Variants in PCDHGA4 observed in about 807,000 individuals in gnomAD.
PCDHGA4 encodes protocadherin gamma-A4.
In PCDHGA4, 38 loss-of-function variants were observed where a neutral mutation model predicts 54.6. That is an observed-to-expected ratio of 0.70 (90% confidence interval 0.54 to 0.91). PCDHGA4 has a LOEUF of 0.91. PCDHGA4 is among the 40% of genes least tolerant of loss of function. The pLI is 0.00. For synonymous variants in PCDHGA4, 511 were observed against 512.9 expected (o/e 1.00, Z 0.05); for missense variants, 1,298 against 1,220.9 (o/e 1.06, Z -0.94).
intron 1 of PCDHGA4, among the ~76,000 whole-genome samples, chr5:141,456,902 G>A (rs886945444): frequency 6.6e-6 from 1 of 152,294 alleles, no homozygotes; most frequent in South Asian, 2.1e-4. Flanking sequence ...GGCAGAGGTT[G>A]CAGTGAGCCG....
rs2099391466 is a variant in PCDHGA4, at chr5:141,476,424, C to T, written c.2515-18383C>T. ...GAGGAGCTGTGTGGGACACTGCCCT[C>T]TTGCACTGTAACTCTGGAGTTGGTA... is the stretch of plus-strand genomic sequence containing the variant. On this transcript the variant is annotated intron_variant, in intron 1 of 3. Coordinates refer to ENST00000571252, the MANE Select transcript of PCDHGA4 (RefSeq NM_018917.4). This position sits in a 1 kb window ranked among gnomAD's most constrained non-coding sequence, Gnocchi z 7.6. 1 of 1,613,978 alleles carries T rather than the reference C, an allele frequency of 6.2e-7. No individual in the cohort carries two copies. The highest frequency in any genetic ancestry group is 1.1e-5 in the South Asian group (1 of 91,076).
rs770623588 is a variant in PCDHGA4, at chr5:141,410,424, C to A, written c.2514+52803C>A. ...GTCAAGTCTGGACCTGTAGTTCCCC[C>A]CAACTACAGTGAGGGGACTTTGCCT... is the stretch of plus-strand genomic sequence containing the variant. On this transcript the variant is annotated intron_variant, in intron 1 of 3. Transcript: ENST00000571252. The A allele has an allele frequency of 1.1e-5, 17 of 1,613,852 alleles. No homozygotes were observed. In the East Asian group the frequency reaches 3.6e-4, roughly 34 times the overall value.
In PCDHGA4 at chr5:141,481,399, T is replaced by G. The variant is rs35677249; in HGVS notation, c.2515-13408T>G. 1.9e-3 allele frequency among the ~76,000 whole-genome samples: 284 copies of G among 152,356 alleles called. 1 individual carries two copies. Among genetic ancestry groups the G allele is most frequent in the Middle Eastern group, 0.01 (3 of 294 alleles). ...TTCTTTTTGGAGGGATGTGACAAAA[T>G]TCTTGTATAATTAGATTGTGATGAT... is the stretch of plus-strand genomic sequence containing the variant. On this transcript the variant is annotated intron_variant, in intron 1 of 3. Transcript: ENST00000571252.
intron 1 of PCDHGA4, among the ~76,000 whole-genome samples, chr5:141,474,586 A>G (rs149003643): frequency 6.6e-6 from 1 of 152,222 alleles, no homozygotes; most frequent in Non-Finnish European, 1.5e-5. Flanking sequence ...AGTGTTAAAG[A>G]CATGGAAATA....
At chr5:141,445,312 T>C (rs1419229431) in intron 1 of PCDHGA4, among the ~76,000 whole-genome samples, 2 of 152,194 alleles carry the variant, frequency 1.3e-5, no homozygotes, top group African/African-American at 4.8e-5. Context: ...AGTTTGTAGG[T>C]TGAGAGAACC....
At chr5:141,461,663 G>C (rs1230719552) in intron 1 of PCDHGA4, among the ~76,000 whole-genome samples, 1 of 151,984 alleles carries the variant, frequency 6.6e-6, no homozygotes, top group Admixed American at 6.6e-5. Flanking sequence ...TTATTTTAAA[G>C]TTTGTTATTT....
intron 1 of PCDHGA4, chr5:141,375,926 G>A: frequency 3.1e-6 from 5 of 1,613,758 alleles, no homozygotes; most frequent in African/African-American, 1.3e-5. Context: ...CAGCGAGCCA[G>A]GACTTTTCTC....
chr5:141,374,884 C>T (rs1770914347), intron 1 of PCDHGA4: 1 of 1,613,714 alleles, frequency 6.2e-7, no homozygotes, highest in African/African-American at 1.3e-5. Context: ...TGACTGCCAC[C>T]GACCAGGATG....
At chr5:141,478,862 C>T (rs1057119202) in intron 1 of PCDHGA4, 23 of 1,325,916 alleles carry the variant, frequency 1.7e-5, no homozygotes, top group Non-Finnish European at 2.2e-5. Flanking sequence ...AAGATCTCAG[C>T]GATCAGAGTT....
In PCDHGA4 at chr5:141,512,903, C is replaced by G. The variant is rs2099884492; in HGVS notation, c.*1730C>G. On this transcript the variant is annotated 3_prime_UTR_variant, in exon 4 of 4. Coordinates refer to ENST00000571252, the MANE Select transcript of PCDHGA4 (RefSeq NM_018917.4). ...CCCCACCCTCTTCCTGTGTCTCACG[C>G]AAGTTTTATACTCTAATATTTATAT... 6.6e-6 allele frequency: 1 copy of G among 152,224 alleles called. No homozygotes were observed. Among genetic ancestry groups the G allele is most frequent in the African/African-American group, 2.4e-5 (1 of 41,452 alleles). 9.4% of individuals were successfully genotyped at this position (152,224 alleles called of 1,614,324 possible).
At chr5:141,465,880 TG>T (rs2154569018) in intron 1 of PCDHGA4, among the ~76,000 whole-genome samples, 1 of 152,096 alleles carries the variant, frequency 6.6e-6, no homozygotes, top group East Asian at 1.9e-4. Context: ...CCCAGCACTT[TG>T]GGAGGCCGAG....
chr5:141,410,437 G>C, intron 1 of PCDHGA4: 1 of 1,614,040 alleles, frequency 6.2e-7, no homozygotes, highest in Non-Finnish European at 8.5e-7. Context: ...ACTACAGTGA[G>C]GGGACTTTGC....
intron 1 of PCDHGA4, chr5:141,365,650 G>A (rs1764040779): frequency 6.2e-7 from 1 of 1,613,296 alleles, no homozygotes; most frequent in South Asian, 1.1e-5. Flanking sequence ...ACATCCCCTT[G>A]AAAGTAGCAG....
At chr5:141,419,464 C>T (rs199965876) in intron 1 of PCDHGA4, 35 of 1,612,542 alleles carry the variant, frequency 2.2e-5, no homozygotes, top group Middle Eastern at 1.7e-4. Context: ...TGCAGGCCCG[C>T]GACCAGGGCT....
At chr5:141,430,737 A>G in intron 1 of PCDHGA4, 1 of 1,498,286 alleles carries the variant, frequency 6.7e-7, no homozygotes, top group South Asian at 1.4e-5. Flanking sequence ...CAGAATTGAA[A>G]ATAATTCTGG....
At chr5:141,384,580 G>C in intron 1 of PCDHGA4, 1 of 1,614,196 alleles carries the variant, frequency 6.2e-7, no homozygotes, top group Non-Finnish European at 8.5e-7. Flanking sequence ...CAACCCGCCC[G>C]AGATCCTGTA....
chr5:141,427,494 A>G (rs1220750249), intron 1 of PCDHGA4: 1 of 560,916 alleles, frequency 1.8e-6, no homozygotes, highest in Non-Finnish European at 3.4e-6. Context: ...TAAGCTTGTA[A>G]CAGATGGGAC....
chr5:141,422,499 A>G lies in PCDHGA4; in HGVS notation c.2514+64878A>G. 3 of 1,614,036 alleles carry G rather than the reference A, an allele frequency of 1.9e-6. No homozygotes were observed. The South Asian group carries it at 3.3e-5, about 18-fold the overall frequency. On this transcript the variant is annotated intron_variant, in intron 1 of 3. Coordinates refer to ENST00000571252, the MANE Select transcript of PCDHGA4 (RefSeq NM_018917.4). ...TCCAGAGCTACAATATAACGTTGAC[A>G]GCCACAGACCAGGGAAGCCCGCCTT...
At chr5:141,408,780 A>G (rs1304526612) in intron 1 of PCDHGA4, 1 of 1,612,372 alleles carries the variant, frequency 6.2e-7, no homozygotes, top group Non-Finnish European at 8.5e-7. Flanking sequence ...AAATACCCAG[A>G]GTTATCTCTG....
Sources: gnomAD v4.1 joint callset for allele counts (sites outside exome capture counted in the v4.1 genomes callset) on GRCh38, gnomAD v4.1.1 for gene constraint, Gnocchi (gnomAD v3.1) non-coding constraint, MANE v1.5 for transcripts, NCBI Gene and HGNC (gene_info 2026-07-23, HGNC 2026-07-21) for gene names.